Variants in TXNDC5 observed in about 807,000 individuals in gnomAD.
The protein encoded by TXNDC5 is thioredoxin domain containing 5.
TXNDC5 carries 44 observed loss-of-function variants against 52.6 expected under a neutral mutation model. The ratio of observed to expected loss-of-function variants is 0.84; its 90% CI spans 0.66 to 1.08. The LOEUF is 1.08. TXNDC5 is among the 50% of genes least tolerant of loss of function. The pLI, the probability that TXNDC5 is intolerant of heterozygous loss-of-function variation, is 0.00. For synonymous variants in TXNDC5, 241 were observed against 234.4 expected, an observed-to-expected ratio of 1.03 and a Z score of -0.26; for missense variants, 600 against 565.5, an observed-to-expected ratio of 1.06 and a Z score of -0.62.
At chr6:7,902,348 C>G (rs1318096623) in intron 2 of TXNDC5, among the ~76,000 whole-genome samples, 1 of 152,188 alleles carries the variant, frequency 6.6e-6, no homozygotes, top group Non-Finnish European at 1.5e-5. Context: ...ATGACTGGCC[C>G]AACAGGAAGA....
rs1760090434 is a variant in TXNDC5, at chr6:7,888,758, T to G, written c.910A>C (p.Thr304Pro). ...LQRTETGATE[T>P]VTPSEAPVLA... is the part of the protein sequence containing the mutation. ...ACCGGGGCCTCTGAGGGCGTGACGG[T>G]CTCCGTCGCTCCAGTCTCTGTGCGC... is the stretch of plus-strand genomic sequence containing the variant. The change falls in exon 7 of 10, where the codon ACC becomes CCC. Residue 304 changes from threonine (T) to proline (P), a missense_variant. Thr to Pro is a conservative substitution (Grantham distance 38). Coordinates refer to ENST00000379757, the MANE Select transcript of TXNDC5 (RefSeq NM_030810.5). The G allele has an allele frequency of 6.2e-7, 1 of 1,614,028 alleles. No homozygotes were observed. The highest frequency in any genetic ancestry group is 8.5e-7 in the Non-Finnish European group (1 of 1,179,996).
intron 2 of TXNDC5, among the ~76,000 whole-genome samples, chr6:7,900,575 A>G (rs1253993744): frequency 1.3e-5 from 2 of 152,234 alleles, no homozygotes; most frequent in Non-Finnish European, 2.9e-5. Flanking sequence ...GTAAGACGGC[A>G]ACATATGTAA....
At chr6:7,896,528 C>T (rs1384065242) in intron 3 of TXNDC5, among the ~76,000 whole-genome samples, 6 of 152,148 alleles carry the variant, frequency 3.9e-5, no homozygotes, top group African/African-American at 1.4e-4. Context: ...TTGTTAAAGG[C>T]TTTAAAGGTG....
intron 2 of TXNDC5, among the ~76,000 whole-genome samples, chr6:7,901,247 T>G (rs1760557146): frequency 6.6e-6 from 1 of 152,178 alleles, no homozygotes; most frequent in Non-Finnish European, 1.5e-5. Context: ...ATGATTGCCC[T>G]CACCTAGCCT....
intron 7 of TXNDC5, 76 bp downstream of exon 7, chr6:7,888,629 G>T (rs1413929844): frequency 1.3e-6 from 2 of 1,512,160 alleles, no homozygotes; most frequent in Non-Finnish European, 1.8e-6. Flanking sequence ...ATTTGAGGAG[G>T]CCTCTGAGGG....
chr6:7,888,741 C>T lies in TXNDC5; in HGVS notation c.927G>A (p.Glu309=), dbSNP rs781106520. ...TGATETVTPS[E]APVLAAEPEA... is the part of the protein sequence containing the mutation. ...CGGGCTCAGCTGCCAGCACCGGGGCCTCTGAGGGCGTGACGGTCTCCGTCG... is the reference window on the plus strand; with the variant it reads ...CGGGCTCAGCTGCCAGCACCGGGGCTTCTGAGGGCGTGACGGTCTCCGTCG... The change falls in exon 7 of 10, where the codon GAG becomes GAA. Residue 309 remains glutamate, a synonymous_variant. Transcript: ENST00000379757. 3 of 1,613,818 alleles carry T rather than the reference C, an allele frequency of 1.9e-6. No homozygotes were observed. Among genetic ancestry groups the T allele is most frequent in the Non-Finnish European group, 8.5e-7 (1 of 1,179,960 alleles).
chr6:7,908,328 C>T (rs890917555), intron 1 of TXNDC5, among the ~76,000 whole-genome samples: 5 of 147,438 alleles, frequency 3.4e-5, no homozygotes, highest in Non-Finnish European at 7.5e-5. Context: ...GCTAATTATT[C>T]TGGAAGCATC....
chr6:7,895,837 A>T (rs183957259), intron 3 of TXNDC5, among the ~76,000 whole-genome samples: 1,621 of 152,174 alleles, frequency 0.011, 30 homozygotes, highest in African/African-American at 0.037. Flanking sequence ...CAAAAAAAAA[A>T]TTTTATTTAC....
At chr6:7,898,358 G>T (rs1381959434) in intron 3 of TXNDC5, among the ~76,000 whole-genome samples, 1 of 152,206 alleles carries the variant, frequency 6.6e-6, no homozygotes, top group East Asian at 1.9e-4. Context: ...ACCCAGCCGA[G>T]TTGAGAGAGT....
At chr6:7,887,524 A>AATCCTTATGCTGGCTTTCTC in intron 7 of TXNDC5, among the ~76,000 whole-genome samples, 1 of 151,172 alleles carries the variant, frequency 6.6e-6, no homozygotes, top group African/African-American at 2.4e-5. Context: ...CAGCGGCTGG[A>AATCCTTATGCTGGCTTTCTC]CTCCTTATGC....
intron 3 of TXNDC5, among the ~76,000 whole-genome samples, chr6:7,899,194 G>C (rs971812933): frequency 1.3e-5 from 2 of 152,208 alleles, no homozygotes; most frequent in Non-Finnish European, 2.9e-5. Flanking sequence ...ACCTGTGACA[G>C]TGGCAGGGTG....
chr6:7,907,897 A>G (rs1277213241), intron 1 of TXNDC5, among the ~76,000 whole-genome samples: 1 of 152,202 alleles, frequency 6.6e-6, no homozygotes, highest in Non-Finnish European at 1.5e-5. Context: ...CAGTATCTGC[A>G]GTTTTCTGAA....
chr6:7,907,859 C>T (rs1760786528), intron 1 of TXNDC5, among the ~76,000 whole-genome samples: 1 of 152,224 alleles, frequency 6.6e-6, no homozygotes, highest in African/African-American at 2.4e-5. Flanking sequence ...AGCCTCCTTT[C>T]CTGGCAGCCT....
intron 1 of TXNDC5, among the ~76,000 whole-genome samples, chr6:7,906,856 A>T (rs955767756): frequency 6.6e-6 from 1 of 152,190 alleles, no homozygotes; most frequent in Non-Finnish European, 1.5e-5. Context: ...TGGTTCCTAC[A>T]TGCTTCTCAT....
chr6:7,910,293 C>T (rs1387304066), intron 1 of TXNDC5, among the ~76,000 whole-genome samples: 1 of 150,642 alleles, frequency 6.6e-6, no homozygotes, highest in Non-Finnish European at 1.5e-5. Flanking sequence ...CCCCGCCAGC[C>T]GGAGCCCCGA....
chr6:7,900,945 C>T (rs907879147), intron 2 of TXNDC5, among the ~76,000 whole-genome samples: 1 of 137,920 alleles, frequency 7.3e-6, no homozygotes, highest in Non-Finnish European at 1.5e-5. Flanking sequence ...GGTACACACA[C>T]ATTCAGTCCA....
At chr6:7,895,307 C>T in intron 3 of TXNDC5, 105 bp from the exon 4 acceptor site, 2 of 971,574 alleles carry the variant, frequency 2.1e-6, no homozygotes, top group Non-Finnish European at 3.1e-6. Flanking sequence ...ATGCCTCCCT[C>T]ACCCAACAAC....
At chr6:7,897,597 C>A (rs1056294757) in intron 3 of TXNDC5, among the ~76,000 whole-genome samples, 1 of 152,128 alleles carries the variant, frequency 6.6e-6, no homozygotes, top group South Asian at 2.1e-4. Context: ...GGGGATTACA[C>A]GCGGCCATCC....
chr6:7,910,273 G>A (rs1490742179), intron 1 of TXNDC5, among the ~76,000 whole-genome samples: 1 of 149,138 alleles, frequency 6.7e-6, no homozygotes, highest in Non-Finnish European at 1.5e-5. Flanking sequence ...CGGCGCCCGC[G>A]CCCCCCGCTC....
Sources: allele counts gnomAD v4.1 joint callset (sites outside exome capture counted in the v4.1 genomes callset), GRCh38; gene constraint gnomAD v4.1.1; transcripts MANE v1.5; gene names NCBI Gene and HGNC (gene_info 2026-07-23, HGNC 2026-07-21).